Variants in MATK observed in about 807,000 individuals in gnomAD.
MATK encodes the protein megakaryocyte-associated tyrosine-protein kinase.
In MATK, 41 loss-of-function variants were observed where a neutral mutation model predicts 59.8. The ratio of observed to expected loss-of-function variants is 0.69; its 90% CI spans 0.53 to 0.89. MATK has a LOEUF of 0.89. Among genes scored for constraint, MATK ranks in the 40% least tolerant of loss-of-function variants. MATK has a pLI of 0.00. For synonymous variants in MATK, 308 were observed against 306.1 expected, an observed-to-expected ratio of 1.01 and a Z score of -0.06; for missense variants, 593 against 719.6, an observed-to-expected ratio of 0.82 and a Z score of 2.01.
In MATK at chr19:3,778,728, G is replaced by A. The variant is rs931414869; in HGVS notation, c.1198-133C>T. 80 of 1,026,884 alleles carry A rather than the reference G, an allele frequency of 7.8e-5. 1 individual carries two copies. The highest frequency in any genetic ancestry group is 5.3e-4 in the South Asian group (37 of 69,272). 63.6% of individuals were successfully genotyped at this position (1,026,884 alleles called of 1,614,324 possible). ...CCTAATTGAGTCCTCCCCCAACGCCGCCCGCAGTTGAGTCTAGCTCAGCCT... is the reference window on the plus strand; with the variant it reads ...CCTAATTGAGTCCTCCCCCAACGCCACCCGCAGTTGAGTCTAGCTCAGCCT... On this transcript the variant is annotated intron_variant, in intron 12 of 13. Coordinates refer to ENST00000310132, the MANE Select transcript of MATK (RefSeq NM_139355.3).
rs1199200856 is a variant in MATK, at chr19:3,784,250, G to A, written c.247-11C>T. On this transcript the variant is annotated splice_polypyrimidine_tract_variant and intron_variant, in intron 4 of 13. Transcript: ENST00000310132. ...GTACCAGCTCTTGTTCTGCCAGGGA[G>A]GAAGCACGGGGTTAGTGTGGGGGGT... 6.2e-7 allele frequency: 1 copy of A among 1,608,108 alleles called. No homozygotes were observed. The highest frequency in any genetic ancestry group is 1.3e-5 in the African/African-American group (1 of 74,972).
rs1461106827 is a variant in MATK, at chr19:3,783,176, C to T, written c.626G>A (p.Arg209Lys). 6.2e-7 allele frequency: 1 copy of T among 1,614,116 alleles called. No homozygotes were observed. Among genetic ancestry groups the T allele is most frequent in the Admixed American group, 1.7e-5 (1 of 60,022 alleles). Residue 209 changes from arginine (R) to lysine (K), a missense_variant, in exon 7 of 14, where the codon AGA becomes AAA. Transcript: ENST00000310132. ...DKGAICTKLV[R>K]PKRKHGTKSA... ...CTTGGTCCCGTGTTTCCGCTTTGGT[C>T]TCACCAGCTTGGTGCAGATAGCGCC...
At position 3,781,654 on chromosome 19, in the gene MATK, A is replaced by G; in HGVS notation, c.695T>C (p.Leu232Pro). ...ELARAGWLLN[L>P]QHLTLGAQIG... ...CTGTGCTCCCAATGTCAAATGCTGCAGGTTCAGTAACCAGCCCGCTGTGGA... is the reference window on the plus strand; with the variant it reads ...CTGTGCTCCCAATGTCAAATGCTGCGGGTTCAGTAACCAGCCCGCTGTGGA... Residue 232 changes from leucine (L) to proline (P), a missense_variant, in exon 8 of 14, where the codon CTG (leucine) becomes CCG (proline). Physicochemically the swap from Leu to Pro is moderately conservative, Grantham distance 98. Coordinates refer to ENST00000310132, the MANE Select transcript of MATK (RefSeq NM_139355.3). The G allele has an allele frequency of 6.2e-7, 1 of 1,613,720 alleles. No individual in the cohort carries two copies. The highest frequency in any genetic ancestry group is 8.5e-7 in the Non-Finnish European group (1 of 1,179,930).
At chr19:3,783,287 C>T (rs753665406) in intron 6 of MATK, 68 bp from the exon 7 acceptor site, 15 of 410,664 alleles carry the variant, frequency 3.7e-5, no homozygotes, top group Non-Finnish European at 7.2e-5. Flanking sequence ...TGTTCCGTTC[C>T]CGGGTGGCCT....
chr19:3,778,203 G>T lies in MATK; in HGVS notation c.1504C>A (p.Pro502Thr), dbSNP rs2037343590. 1 of 1,562,900 alleles carries T rather than the reference G, an allele frequency of 6.4e-7. No homozygotes were observed. The highest frequency in any genetic ancestry group is 2.3e-5 in the East Asian group (1 of 43,602). Residue 502 changes from proline (P) to threonine (T), a missense_variant, in exon 14 of 14, where the codon CCC becomes ACC. By Grantham distance (38) the Pro-to-Thr change is conservative. Coordinates refer to ENST00000310132, the MANE Select transcript of MATK (RefSeq NM_139355.3). ...TGGGGTCAGGGCTCCTGGCTTCGGGGCGAGGTGGAGCCGTCGGCGTCCTGC... is the reference window on the plus strand; with the variant it reads ...TGGGGTCAGGGCTCCTGGCTTCGGGTCGAGGTGGAGCCGTCGGCGTCCTGC... ...SGQDADGSTS[P>T]RSQEP
chr19:3,797,951 A>G (rs1378832823), intron 1 of MATK, among the ~76,000 whole-genome samples: 2 of 152,096 alleles, frequency 1.3e-5, no homozygotes, highest in Non-Finnish European at 2.9e-5. Context: ...CTAAAGGAGG[A>G]GAATCGCTTG....
chr19:3,787,871 G>T (rs766653943), upstream of MATK, among the ~76,000 whole-genome samples: 8 of 151,824 alleles, frequency 5.3e-5, no homozygotes, highest in East Asian at 1.5e-3. Context: ...AGTTACAAGA[G>T]AATTACAGAA....
At chr19:3,785,562 C>G in intron 1 of MATK, 1 of 245,876 alleles carries the variant, frequency 4.1e-6, no homozygotes, top group Non-Finnish European at 8.1e-6. Context: ...TGAGTCTCGG[C>G]CCCTCCAAGA....
chr19:3,789,339 T>C (rs751752132), upstream of MATK: 1 of 776,000 alleles, frequency 1.3e-6, no homozygotes, highest in Non-Finnish European at 2.4e-6. Context: ...CAGGGAAATG[T>C]CCCTGCATGA....
Position 3,784,890 on chromosome 19 carries a change from G to T in MATK, c.73-6C>A. ...CGGAGGAAGCGGGGGCTCACCTGGGGAGGGGACAGAGTCCAGGTGGGAGCT... is the reference window on the plus strand; with the variant it reads ...CGGAGGAAGCGGGGGCTCACCTGGGTAGGGGACAGAGTCCAGGTGGGAGCT... On this transcript the variant is annotated splice_region_variant and splice_polypyrimidine_tract_variant and intron_variant, in intron 2 of 13. Transcript: ENST00000310132. The T allele has an allele frequency of 6.6e-7, 1 of 1,515,204 alleles. No individual in the cohort carries two copies. Among genetic ancestry groups the T allele is most frequent in the Non-Finnish European group, 9.0e-7 (1 of 1,113,402 alleles). The allele number at this position is 1,515,204 out of a possible 1,614,324, so 93.9% of individuals were successfully genotyped here. A position where few individuals can be genotyped will look rare whatever the true frequency, so the allele number is the denominator to read the frequency against.
Position 3,778,038 on chromosome 19 carries a change from A to G in MATK, c.*145T>C. ...GGTCTGGGGTGTCCACGGGCCGCCC[A>G]GAGCCCCCTACGTGGGCCAGCCCCT... On this transcript the variant is annotated 3_prime_UTR_variant, in exon 14 of 14. Transcript: ENST00000310132. 1 of 1,226,824 alleles carries G rather than the reference A, an allele frequency of 8.2e-7. No individual in the cohort carries two copies. Among genetic ancestry groups the G allele is most frequent in the Non-Finnish European group, 1.1e-6 (1 of 913,486 alleles). 76.0% of individuals were successfully genotyped at this position (1,226,824 alleles called of 1,614,324 possible). A position where few individuals can be genotyped will look rare whatever the true frequency, so the allele number is the denominator to read the frequency against.
rs1489778655 is a variant in MATK, at chr19:3,779,710, G to A, written c.830C>T (p.Thr277Met). The A allele has an allele frequency of 6.8e-6, 11 of 1,612,850 alleles. No homozygotes were observed. Among genetic ancestry groups the A allele is most frequent in the Admixed American group, 3.3e-5 (2 of 60,002 alleles). Residue 277 changes from threonine (T) to methionine (M), a missense_variant, in exon 9 of 14, where the codon ACG (threonine) becomes ATG (methionine). Coordinates refer to ENST00000310132, the MANE Select transcript of MATK (RefSeq NM_139355.3). ...CCCTGGGACTCACGTCATGACGGCCGTCTCGTCCAGGAAGGCCTGGGCTGT... is the reference window on the plus strand; with the variant it reads ...CCCTGGGACTCACGTCATGACGGCCATCTCGTCCAGGAAGGCCTGGGCTGT... ...DVTAQAFLDE[T>M]AVMTKMQHEN...
upstream of MATK, among the ~76,000 whole-genome samples, chr19:3,787,955 G>T (rs901053856): frequency 5.3e-5 from 8 of 151,202 alleles, no homozygotes; most frequent in Non-Finnish European, 1.2e-4. Flanking sequence ...AGAGCTGGGG[G>T]TCTCTCTGTG....
At chr19:3,784,612 G>C (rs2037453174) in intron 3 of MATK, 161 bp from the exon 4 acceptor site, 1 of 652,068 alleles carries the variant, frequency 1.5e-6, no homozygotes, top group Non-Finnish European at 2.7e-6. Flanking sequence ...AAAGAAAGGG[G>C]GAGTGGGGTG....
At chr19:3,793,193 G>A (rs2037559058) in intron 1 of MATK, 1 of 152,246 alleles carries the variant, frequency 6.6e-6, no homozygotes, top group Admixed American at 6.5e-5. Context: ...TCGTCCTTAA[G>A]ACGCAGCCGG....
intron 8 of MATK, 48 bp from the exon 9 acceptor site, chr19:3,779,845 A>C: frequency 1.8e-6 from 2 of 1,135,412 alleles, no homozygotes; most frequent in Non-Finnish European, 1.3e-6. Flanking sequence ...CCCCCAACAA[A>C]CAGGGACAGA....
chr19:3,790,659 GT>G (rs1432136550), upstream of MATK, among the ~76,000 whole-genome samples: 1 of 152,130 alleles, frequency 6.6e-6, no homozygotes, highest in Non-Finnish European at 1.5e-5. Flanking sequence ...AACTGCAGAA[GT>G]TTCCACGCCT....
At chr19:3,801,128 C>T (rs552630730) in intron 1 of MATK, among the ~76,000 whole-genome samples, 4 of 152,308 alleles carry the variant, frequency 2.6e-5, no homozygotes, top group Non-Finnish European at 5.9e-5. Context: ...TGAGCCACCG[C>T]GCCCGGCCGA....
At chr19:3,780,919 G>T (rs1314544218) in intron 8 of MATK, among the ~76,000 whole-genome samples, 1 of 150,116 alleles carries the variant, frequency 6.7e-6, no homozygotes, top group Non-Finnish European at 1.5e-5. Flanking sequence ...GTACAGATGG[G>T]GGTCTCGCTA....
Sources: allele counts gnomAD v4.1 joint callset (sites outside exome capture counted in the v4.1 genomes callset), GRCh38; gene constraint gnomAD v4.1.1; transcripts MANE v1.5; gene names NCBI Gene and HGNC (gene_info 2026-07-23, HGNC 2026-07-21).